Variants in TNKS observed in about 807,000 individuals in gnomAD.
TNKS encodes tankyrase, also known as poly [ADP-ribose] polymerase tankyrase-1.
Under a neutral mutation model 135.8 loss-of-function variants are expected in TNKS, and 72 were observed. That is an observed-to-expected ratio of 0.53 (90% CI 0.44 to 0.64). The LOEUF (loss-of-function observed/expected upper bound fraction) is 0.64, where lower values mean the gene tolerates loss of function less well. Among genes scored for constraint, TNKS ranks in the 30% least tolerant of loss-of-function variants. The probability of loss-of-function intolerance (pLI) is 0.00; values close to 1 mark genes in which losing one functional copy is unlikely to be tolerated. For synonymous variants in TNKS, 849 were observed against 649.3 expected (o/e 1.31, Z -4.68); for missense variants, 1,769 against 1,674.0 (o/e 1.06, Z -0.99).
intron 12 of TNKS, among the ~76,000 whole-genome samples, chr8:9,721,615 A>T (rs1218096652): frequency 2.0e-5 from 3 of 149,978 alleles, no homozygotes; most frequent in Admixed American, 1.4e-4. Context: ...TTCTACCTAC[A>T]GTCTGGTAGT....
In TNKS at chr8:9,720,539, C is replaced by A; in HGVS notation, c.1915C>A (p.Leu639Met). The change falls in exon 12 of 27, where the codon CTG becomes ATG. Residue 639 changes from leucine (L) to methionine (M), a missense_variant. Physicochemically the swap from Leu to Met is conservative, Grantham distance 15 (BLOSUM62 2). Transcript: ENST00000310430. ...QMGNEAVQQI[L>M]SESTPIRTSD... ...GGGCAATGAAGCAGTGCAGCAGATTCTGAGTGGTGAGTTAAAATAGACCAA... is the reference window on the plus strand; with the variant it reads ...GGGCAATGAAGCAGTGCAGCAGATTATGAGTGGTGAGTTAAAATAGACCAA... 4.3e-6 allele frequency: 7 copies of A among 1,611,346 alleles called. No individual in the cohort carries two copies. Among genetic ancestry groups the A allele is most frequent in the Non-Finnish European group, 5.9e-6 (7 of 1,178,932 alleles).
chr8:9,646,842 A>G (rs1800936602), intron 3 of TNKS, among the ~76,000 whole-genome samples: 1 of 152,170 alleles, frequency 6.6e-6, no homozygotes, highest in Admixed American at 6.5e-5. Flanking sequence ...TCCTATGAGT[A>G]AACCTAATCC....
At chr8:9,677,520 A>G (rs979746943) in intron 3 of TNKS, among the ~76,000 whole-genome samples, 1 of 152,072 alleles carries the variant, frequency 6.6e-6, no homozygotes, top group Non-Finnish European at 1.5e-5. Flanking sequence ...TTTTAAGTTC[A>G]CAGTTTTAAT....
At chr8:9,687,426 T>C (rs183129718) in intron 5 of TNKS, among the ~76,000 whole-genome samples, 1 of 152,342 alleles carries the variant, frequency 6.6e-6, no homozygotes, top group East Asian at 1.9e-4. Context: ...GGATATATTG[T>C]ATAAAATCTT....
At chr8:9,741,777 C>G (rs115326940) in intron 17 of TNKS, 1 of 493,022 alleles carries the variant, frequency 2.0e-6, no homozygotes, top group African/African-American at 1.9e-5. Context: ...TCGACCTTGT[C>G]TAACTTCACG....
intron 11 of TNKS, among the ~76,000 whole-genome samples, chr8:9,713,134 CAA>C (rs1472836823): frequency 1.3e-5 from 2 of 152,094 alleles, no homozygotes; most frequent in East Asian, 1.9e-4. Context: ...GAAATGAAGA[CAA>C]AGTGGAATAA....
chr8:9,723,024 A>C (rs1804970545), intron 12 of TNKS, among the ~76,000 whole-genome samples: 1 of 152,110 alleles, frequency 6.6e-6, no homozygotes, highest in African/African-American at 2.4e-5. Context: ...TTGATTTTTG[A>C]AATAAGACAT....
chr8:9,753,037 C>G (rs550510695), intron 20 of TNKS, among the ~76,000 whole-genome samples: 12 of 151,512 alleles, frequency 7.9e-5, no homozygotes, highest in African/African-American at 2.9e-4. Flanking sequence ...ACGAGCTATT[C>G]TTAAACCCAC....
At chr8:9,565,730 G>T (rs967025462) in intron 1 of TNKS, among the ~76,000 whole-genome samples, 1 of 151,996 alleles carries the variant, frequency 6.6e-6, no homozygotes, top group Admixed American at 6.6e-5. Flanking sequence ...GGTGGCGGGC[G>T]CCTGTTGTCC....
chr8:9,776,177 G>C (rs747748386), intron 26 of TNKS, among the ~76,000 whole-genome samples: 1 of 152,182 alleles, frequency 6.6e-6, no homozygotes, highest in East Asian at 1.9e-4. Flanking sequence ...TTGTTTCTGG[G>C]TTATTGGTGA....
intron 2 of TNKS, among the ~76,000 whole-genome samples, chr8:9,590,082 C>T (rs1585203806): frequency 6.6e-6 from 1 of 152,112 alleles, no homozygotes; most frequent in African/African-American, 2.4e-5. Flanking sequence ...TGTGTGTTCG[C>T]GAAGCTGCCC....
intron 12 of TNKS, among the ~76,000 whole-genome samples, chr8:9,726,415 A>AT (rs1563193980): frequency 6.6e-6 from 1 of 152,192 alleles, no homozygotes; most frequent in Non-Finnish European, 1.5e-5. Flanking sequence ...ATGTACATAC[A>AT]TAAAAAAAGT....
chr8:9,751,526 A>G, intron 18 of TNKS, 83 bp from the exon 19 acceptor site: 1 of 1,312,138 alleles, frequency 7.6e-7, no homozygotes. Context: ...GAAAAAATCC[A>G]CAAAGTATTT....
chr8:9,741,774 T>C (rs1397144679), intron 17 of TNKS: 1 of 494,348 alleles, frequency 2.0e-6, no homozygotes, highest in Admixed American at 2.0e-5. Context: ...TGGTCGACCT[T>C]GTCTAACTTC....
chr8:9,762,977 G>GTATA (rs1182965753), intron 21 of TNKS, among the ~76,000 whole-genome samples, 170 bp from the exon 22 acceptor site: 2 of 149,726 alleles, frequency 1.3e-5, no homozygotes, highest in African/African-American at 4.9e-5. Context: ...CTGTCTTTGA[G>GTATA]TATATTTGTT....
chr8:9,661,630 C>G (rs1370013670), intron 3 of TNKS, among the ~76,000 whole-genome samples: 1 of 152,044 alleles, frequency 6.6e-6, no homozygotes, highest in Non-Finnish European at 1.5e-5. Context: ...CCATAAAAAC[C>G]CTAGAAGAAA....
intron 3 of TNKS, among the ~76,000 whole-genome samples, chr8:9,671,663 G>C (rs563920952): frequency 2.0e-5 from 3 of 152,180 alleles, no homozygotes; most frequent in African/African-American, 7.2e-5. Context: ...AATGTTTCCT[G>C]TCTTGAAGTG....
chr8:9,662,865 G>A (rs1310990685), intron 3 of TNKS, among the ~76,000 whole-genome samples: 1 of 152,216 alleles, frequency 6.6e-6, no homozygotes, highest in Non-Finnish European at 1.5e-5. Flanking sequence ...GTGGTAGGCA[G>A]AATACTAGCC....
At chr8:9,574,760 T>A (rs1797879818) in intron 1 of TNKS, among the ~76,000 whole-genome samples, 1 of 152,192 alleles carries the variant, frequency 6.6e-6, no homozygotes, top group Non-Finnish European at 1.5e-5. Context: ...CTTTTTTGTT[T>A]TTTTTGGTAG....
Sources: gnomAD v4.1 joint callset for allele counts (sites outside exome capture counted in the v4.1 genomes callset) on GRCh38, gnomAD v4.1.1 for gene constraint, MANE v1.5 for transcripts, NCBI Gene and HGNC (gene_info 2026-07-23, HGNC 2026-07-21) for gene names.